MMP16: variants seen among roughly 807,000 people sequenced by gnomAD.
MMP16 encodes the protein matrix metallopeptidase 16.
In MMP16, 12 loss-of-function variants were observed where a neutral mutation model predicts 67.8. The observed-to-expected ratio is 0.18, with a 90% confidence interval of 0.11 to 0.29. The LOEUF (loss-of-function observed/expected upper bound fraction) is 0.29. Among genes scored for constraint, MMP16 ranks in the 10% least tolerant of loss-of-function variants. The pLI is 1.00. For missense variants in MMP16, 475 were observed against 765.7 expected, an observed-to-expected ratio of 0.62 and a Z score of 4.48; for synonymous variants, 249 against 255.9, an observed-to-expected ratio of 0.97 and a Z score of 0.26.
chr8:88,075,935 T>TCACACA (rs1586137452), intron 6 of MMP16, among the ~76,000 whole-genome samples: 2 of 18,048 alleles, frequency 1.1e-4, no homozygotes, highest in Non-Finnish European at 1.0e-4. Flanking sequence ...ACTCATATAT[T>TCACACA]CATACACACA....
intron 3 of MMP16, among the ~76,000 whole-genome samples, chr8:88,181,011 G>T (rs1343979539): frequency 1.3e-5 from 2 of 152,072 alleles, no homozygotes; most frequent in African/African-American, 4.8e-5. Flanking sequence ...TATACTTTTA[G>T]CAAACTAAGA....
intron 1 of MMP16, among the ~76,000 whole-genome samples, chr8:88,287,551 C>T (rs1292670129): frequency 1.3e-5 from 2 of 152,184 alleles, no homozygotes; most frequent in African/African-American, 4.8e-5. Context: ...AATCATGCCT[C>T]TTTTTGTTCA....
At chr8:88,213,487 C>T (rs556383477) in intron 1 of MMP16, among the ~76,000 whole-genome samples, 22 of 151,912 alleles carry the variant, frequency 1.4e-4, no homozygotes, top group Admixed American at 2.6e-4. Context: ...AATAAGGTAA[C>T]GCCAATGGCA....
intron 1 of MMP16, among the ~76,000 whole-genome samples, chr8:88,325,819 A>G (rs1484500921): frequency 6.6e-6 from 1 of 152,182 alleles, no homozygotes; most frequent in African/African-American, 2.4e-5. Flanking sequence ...ACTTTTTCAA[A>G]TACTTTTTTT....
At chr8:88,163,412 G>A (rs1250249697) in intron 4 of MMP16, among the ~76,000 whole-genome samples, 5 of 151,918 alleles carry the variant, frequency 3.3e-5, no homozygotes, top group Non-Finnish European at 7.4e-5. Flanking sequence ...CTACCACAGC[G>A]TTGATAACCT....
At position 88,209,261 on chromosome 8, in the gene MMP16, C is replaced by T. The variant is rs1809476818; in HGVS notation, c.133-11955G>A. Among the ~76,000 whole-genome samples, 2 of 152,096 alleles carry T rather than the reference C, an allele frequency of 1.3e-5. 1 individual carries two copies. Among genetic ancestry groups the T allele is most frequent in the South Asian group, 4.1e-4 (2 of 4,828 alleles). On this transcript the variant is annotated intron_variant, in intron 1 of 9. Coordinates refer to ENST00000286614, the MANE Select transcript of MMP16 (RefSeq NM_005941.5). ...CACCCTTGAAAACAGCATGACCAACCCCTTCTCTTCCTCCTCCTCCACATA... is the reference window on the plus strand; with the variant it reads ...CACCCTTGAAAACAGCATGACCAACTCCTTCTCTTCCTCCTCCTCCACATA...
intron 1 of MMP16, among the ~76,000 whole-genome samples, chr8:88,202,618 A>G (rs1173391896): frequency 1.3e-5 from 2 of 152,028 alleles, no homozygotes; most frequent in Non-Finnish European, 2.9e-5. Flanking sequence ...TTAAAGAAAG[A>G]TTTATAGTGT....
At chr8:88,294,541 TATATGTATATATGTCTCTATACACAC>T in intron 1 of MMP16, among the ~76,000 whole-genome samples, 1 of 149,900 alleles carries the variant, frequency 6.7e-6, no homozygotes, top group African/African-American at 2.5e-5. Flanking sequence ...TCTATACACA[TATATGTATATATGTCTCTATACACAC>T]ATATGTATAT....
intron 4 of MMP16, among the ~76,000 whole-genome samples, chr8:88,133,304 T>G (rs1443113371): frequency 6.9e-6 from 1 of 145,160 alleles, no homozygotes; most frequent in African/African-American, 2.6e-5. Flanking sequence ...TATACAGCTC[T>G]GACTTGCTAA....
At chr8:88,118,128 T>C (rs1809467438) in intron 5 of MMP16, among the ~76,000 whole-genome samples, 2 of 152,058 alleles carry the variant, frequency 1.3e-5, no homozygotes, top group Non-Finnish European at 1.5e-5. Context: ...ATTAATAAAC[T>C]TCACCACTTG....
chr8:88,186,791 T>C (rs1446463939), intron 2 of MMP16, among the ~76,000 whole-genome samples, 193 bp from the exon 3 acceptor site: 3 of 152,118 alleles, frequency 2.0e-5, no homozygotes, highest in African/African-American at 7.2e-5. Context: ...GCATAGTTTT[T>C]CCTGAATTAT....
intron 4 of MMP16, among the ~76,000 whole-genome samples, chr8:88,144,756 G>GT (rs890941907): frequency 2.6e-5 from 4 of 151,718 alleles, no homozygotes; most frequent in South Asian, 2.1e-4. Context: ...TAAAAAACAA[G>GT]TTTTTTTCTG....
intron 4 of MMP16, among the ~76,000 whole-genome samples, chr8:88,139,699 TTAA>T (rs1467407453): frequency 6.6e-6 from 1 of 152,122 alleles, no homozygotes; most frequent in African/African-American, 2.4e-5. Context: ...AAATATAATG[TTAA>T]TGTTAATTAA....
chr8:88,227,115 T>C (rs1467322329), intron 1 of MMP16, among the ~76,000 whole-genome samples: 1 of 152,006 alleles, frequency 6.6e-6, no homozygotes, highest in Non-Finnish European at 1.5e-5. Context: ...GAGATTAAAA[T>C]ACATAATAAT....
intron 6 of MMP16, among the ~76,000 whole-genome samples, chr8:88,112,497 T>TA (rs1809353568): frequency 6.6e-6 from 1 of 151,834 alleles, no homozygotes; most frequent in Non-Finnish European, 1.5e-5. Flanking sequence ...GGAGTAGTAT[T>TA]AAAATCACCT....
At chr8:88,165,089 T>G (rs975904152) in intron 4 of MMP16, among the ~76,000 whole-genome samples, 19 of 148,928 alleles carry the variant, frequency 1.3e-4, no homozygotes. Context: ...AATACTGTAA[T>G]TCCAGCAACT....
intron 4 of MMP16, among the ~76,000 whole-genome samples, chr8:88,134,619 ATT>A (rs1355511797): frequency 6.6e-6 from 1 of 151,362 alleles, no homozygotes; most frequent in Non-Finnish European, 1.5e-5. Context: ...CTCTCTATAT[ATT>A]TTTCTAACTT....
At chr8:88,059,984 TA>T (rs367848525) in intron 7 of MMP16, among the ~76,000 whole-genome samples, 5,712 of 134,882 alleles carry the variant, frequency 0.042, 120 homozygotes, top group Non-Finnish European at 0.061. Context: ...TGAGAAGAGA[TA>T]AAAAAAAAAA....
At chr8:88,150,694 A>C (rs1295265754) in intron 4 of MMP16, among the ~76,000 whole-genome samples, 6 of 132,084 alleles carry the variant, frequency 4.5e-5, no homozygotes, top group Admixed American at 7.9e-5. Flanking sequence ...GCCTGCCCTA[A>C]AAGAGCTCCT....
Sources: gnomAD v4.1 joint callset for allele counts (sites outside exome capture counted in the v4.1 genomes callset) on GRCh38, gnomAD v4.1.1 for gene constraint, MANE v1.5 for transcripts, NCBI Gene and HGNC (gene_info 2026-07-23, HGNC 2026-07-21) for gene names.